Variants in CSMD1 observed in about 807,000 individuals in gnomAD.
The protein encoded by CSMD1 is CUB and sushi domain-containing protein 1.
Under a neutral mutation model 417.5 loss-of-function variants are expected in CSMD1, and 213 were observed. The ratio of observed to expected loss-of-function variants is 0.51; its 90% CI spans 0.46 to 0.57. CSMD1 has a LOEUF of 0.57. Ranked by LOEUF, CSMD1 falls within the 20% of genes least tolerant of loss-of-function variation. The probability of loss-of-function intolerance (pLI) is 0.00; values close to 1 mark genes in which losing one functional copy is unlikely to be tolerated. For missense variants in CSMD1, 6,923 were observed against 4,529.7 expected (o/e 1.53, Z -15.17); for synonymous variants, 2,862 against 1,736.8 (o/e 1.65, Z -16.11).
intron 3 of CSMD1, among the ~76,000 whole-genome samples, chr8:4,330,186 T>C (rs747745735): frequency 2.8e-4 from 36 of 128,184 alleles, no homozygotes; most frequent in African/African-American, 8.9e-4. Context: ...GTTCCTGTTA[T>C]GAAATCCACA....
At chr8:4,519,994 G>A (rs1427272711) in intron 2 of CSMD1, among the ~76,000 whole-genome samples, 1 of 151,194 alleles carries the variant, frequency 6.6e-6, no homozygotes, top group Non-Finnish European at 1.5e-5. Flanking sequence ...AAGGTTATCA[G>A]AGAAATTATG....
intron 5 of CSMD1, among the ~76,000 whole-genome samples, chr8:3,761,026 T>C (rs988084477): frequency 6.6e-6 from 1 of 152,226 alleles, no homozygotes; most frequent in Non-Finnish European, 1.5e-5. Context: ...TCATTATCTC[T>C]GTTTTGTCAA....
intron 1 of CSMD1, among the ~76,000 whole-genome samples, chr8:4,894,379 T>G (rs181421063): frequency 4.6e-5 from 7 of 151,978 alleles, no homozygotes; most frequent in Admixed American, 2.0e-4. Flanking sequence ...ATAATTTACT[T>G]TCATATTCTC....
At chr8:4,014,087 T>C (rs1796405338) in intron 4 of CSMD1, among the ~76,000 whole-genome samples, 1 of 152,194 alleles carries the variant, frequency 6.6e-6, no homozygotes, top group Non-Finnish European at 1.5e-5. Flanking sequence ...GAGCATCATT[T>C]CAATGCCCTC....
At chr8:4,192,204 A>C (rs923115936) in intron 3 of CSMD1, among the ~76,000 whole-genome samples, 3 of 152,212 alleles carry the variant, frequency 2.0e-5, no homozygotes, top group African/African-American at 7.2e-5. Context: ...AATCAAAGTT[A>C]AAACAGCAAA....
At position 3,568,995 on chromosome 8, in the gene CSMD1, G is replaced by C. The variant is rs1056892720; in HGVS notation, c.1344+5950C>G. Among the ~76,000 whole-genome samples, 46 of 152,056 alleles carry C rather than the reference G, an allele frequency of 3.0e-4. 1 individual carries two copies. Among genetic ancestry groups the C allele is most frequent in the African/African-American group, 1.1e-3 (45 of 41,400 alleles). On this transcript the variant is annotated intron_variant, in intron 10 of 69. Coordinates refer to ENST00000635120, the MANE Select transcript of CSMD1 (RefSeq NM_033225.6). ...TACTTTTTCAAGAATTCTGATTGCA[G>C]GACTCATCAAGAGTTCTGAAAATAG... is the stretch of plus-strand genomic sequence containing the variant.
intron 5 of CSMD1, among the ~76,000 whole-genome samples, chr8:3,941,866 A>G (rs937102929): frequency 2.6e-5 from 4 of 152,138 alleles, no homozygotes; most frequent in African/African-American, 2.4e-5. Flanking sequence ...AACCCTGGCT[A>G]TGGGCCAGTG....
chr8:3,783,458 A>C (rs1466647124), intron 5 of CSMD1, among the ~76,000 whole-genome samples: 1 of 152,134 alleles, frequency 6.6e-6, no homozygotes, highest in African/African-American at 2.4e-5. Context: ...GGGAGCACAG[A>C]AGCATTGGCG....
intron 5 of CSMD1, among the ~76,000 whole-genome samples, chr8:3,768,590 A>G (rs1338675569): frequency 6.6e-6 from 1 of 152,230 alleles, no homozygotes; most frequent in Non-Finnish European, 1.5e-5. Context: ...TAAGTTCAAC[A>G]CAGAGTGTAA....
chr8:4,124,817 A>T (rs573526196), intron 3 of CSMD1, among the ~76,000 whole-genome samples: 4 of 152,174 alleles, frequency 2.6e-5, no homozygotes, highest in African/African-American at 9.6e-5. Context: ...GTTTTTAACC[A>T]ATCAGGCCCA....
chr8:3,504,957 A>C (rs1260088189), intron 10 of CSMD1, among the ~76,000 whole-genome samples: 1 of 152,128 alleles, frequency 6.6e-6, no homozygotes, highest in Non-Finnish European at 1.5e-5. Context: ...GCACAACAAC[A>C]AAGATTAACC....
chr8:3,975,735 A>C (rs1015931380), intron 5 of CSMD1, among the ~76,000 whole-genome samples: 1 of 152,230 alleles, frequency 6.6e-6, no homozygotes, highest in Non-Finnish European at 1.5e-5. Flanking sequence ...GCAAACTTTA[A>C]AATAAAACAG....
intron 10 of CSMD1, among the ~76,000 whole-genome samples, chr8:3,558,299 C>A (rs1483591396): frequency 6.9e-6 from 1 of 144,790 alleles, no homozygotes; most frequent in Non-Finnish European, 1.6e-5. Flanking sequence ...CAATGGAACT[C>A]CGTGTTCACT....
chr8:3,777,082 C>T (rs1270634982), intron 5 of CSMD1, among the ~76,000 whole-genome samples: 3 of 151,066 alleles, frequency 2.0e-5, no homozygotes, highest in African/African-American at 4.9e-5. Flanking sequence ...ATGCTTCCTA[C>T]TATCTATCTA....
chr8:3,410,007 T>C (rs745426705), intron 12 of CSMD1, among the ~76,000 whole-genome samples: 5 of 152,244 alleles, frequency 3.3e-5, no homozygotes, highest in African/African-American at 1.2e-4. Flanking sequence ...CTTCATTCCC[T>C]ACTGAGTATT....
chr8:3,189,092 G>T (rs1796263616), intron 34 of CSMD1, 81 bp from the exon 35 acceptor site: 3 of 1,336,234 alleles, frequency 2.2e-6, no homozygotes, highest in South Asian at 1.7e-5. Flanking sequence ...TTCACTGTGT[G>T]ACCACACAGT....
In CSMD1 at chr8:4,049,367, A is replaced by C. The variant is rs185279806; in HGVS notation, c.416-17268T>G. Among the ~76,000 whole-genome samples the C allele has an allele frequency of 3.8e-3, 581 of 151,974 alleles. 4 individuals are homozygous for C. The highest frequency in any genetic ancestry group is 6.8e-3 in the Middle Eastern group (2 of 294). On this transcript the variant is annotated intron_variant, in intron 3 of 69. Transcript: ENST00000635120. ...CACTCCAAGCTCCTAGAGTTCTAAC[A>C]ATCAAAAATCTCTGCAGACATTGCC...
chr8:3,075,472 G>C (rs1813593751), intron 49 of CSMD1, among the ~76,000 whole-genome samples: 1 of 151,134 alleles, frequency 6.6e-6, no homozygotes, highest in Non-Finnish European at 1.5e-5. Context: ...GTAGAGACAG[G>C]GTTTTTCCAC....
Position 4,690,802 on chromosome 8 carries a change from C to G in CSMD1, c.86-53244G>C, listed in dbSNP as rs181038212. On this transcript the variant is annotated intron_variant, in intron 1 of 69. Coordinates refer to ENST00000635120, the MANE Select transcript of CSMD1 (RefSeq NM_033225.6). ...GGAGTTCACTGGTGCGATCTCGGCT[C>G]ACTGCAACCTCTTCCTGCCGGGTTC... Among the ~76,000 whole-genome samples, 395 of 152,244 alleles carry G rather than the reference C, an allele frequency of 2.6e-3. 2 individuals carry two copies. The highest frequency in any genetic ancestry group is 9.1e-3 in the African/African-American group (379 of 41,544).
Sources: gnomAD v4.1 joint callset for allele counts (sites outside exome capture counted in the v4.1 genomes callset) on GRCh38, gnomAD v4.1.1 for gene constraint, MANE v1.5 for transcripts, NCBI Gene and HGNC (gene_info 2026-07-23, HGNC 2026-07-21) for gene names.